Variants in PRKG1 observed in about 807,000 individuals in gnomAD.
PRKG1 encodes cGMP-dependent protein kinase 1.
PRKG1 carries 35 observed loss-of-function variants against 88.1 expected under a neutral mutation model. The ratio of observed to expected loss-of-function variants is 0.40; its 90% CI spans 0.30 to 0.53. The LOEUF (loss-of-function observed/expected upper bound fraction) is 0.53. Among genes scored for constraint, PRKG1 ranks in the 20% least tolerant of loss-of-function variants. The pLI is 0.59. For synonymous variants in PRKG1, 303 were observed against 292.5 expected (o/e 1.04, Z -0.37); for missense variants, 540 against 839.8 (o/e 0.64, Z 4.41).
intron 9 of PRKG1, among the ~76,000 whole-genome samples, chr10:52,225,079 G>A (rs970191908): frequency 1.8e-4 from 27 of 152,032 alleles, no homozygotes; most frequent in African/African-American, 5.5e-4. Context: ...CATAGTGGCC[G>A]TACTAGTCTA....
At chr10:51,206,333 T>C (rs1838059075) in intron 2 of PRKG1, among the ~76,000 whole-genome samples, 1 of 150,360 alleles carries the variant, frequency 6.7e-6, no homozygotes, top group Non-Finnish European at 1.5e-5. Flanking sequence ...CTACTAAAAA[T>C]ACAAAAAAAA....
chr10:52,102,370 A>G (rs1022801810), intron 7 of PRKG1, among the ~76,000 whole-genome samples: 2 of 152,132 alleles, frequency 1.3e-5, no homozygotes, highest in African/African-American at 4.8e-5. Context: ...GAAAGAATTG[A>G]CAATGCTCTG....
At chr10:51,794,693 A>T (rs1838965134) in intron 3 of PRKG1, among the ~76,000 whole-genome samples, 1 of 152,142 alleles carries the variant, frequency 6.6e-6, no homozygotes, top group Non-Finnish European at 1.5e-5. Context: ...AGATTTAGTC[A>T]TTCTACAATG....
intron 2 of PRKG1, among the ~76,000 whole-genome samples, chr10:51,362,084 G>A (rs1192271650): frequency 6.6e-6 from 1 of 151,760 alleles, no homozygotes; most frequent in African/African-American, 2.4e-5. Flanking sequence ...TTACATTTTG[G>A]ACATCTAGTC....
chr10:52,143,234 AC>A (rs968541191), intron 8 of PRKG1, among the ~76,000 whole-genome samples: 1 of 151,946 alleles, frequency 6.6e-6, no homozygotes, highest in Non-Finnish European at 1.5e-5. Context: ...TCCCCATTCC[AC>A]CCTGCTGAGG....
intron 3 of PRKG1, among the ~76,000 whole-genome samples, chr10:51,689,973 A>G (rs1293452178): frequency 6.6e-6 from 1 of 152,204 alleles, no homozygotes; most frequent in African/African-American, 2.4e-5. Context: ...GAGATGGGGT[A>G]ATTTATAAAG....
At chr10:52,191,960 T>A (rs117415077) in intron 9 of PRKG1, among the ~76,000 whole-genome samples, 2,813 of 152,322 alleles carry the variant, frequency 0.018, 33 homozygotes, top group Non-Finnish European at 0.03. Flanking sequence ...TTTATCCTCA[T>A]TCATTCAAGA....
intron 3 of PRKG1, among the ~76,000 whole-genome samples, chr10:51,509,231 T>A (rs767147405): frequency 6.6e-6 from 1 of 152,194 alleles, no homozygotes; most frequent in Admixed American, 6.5e-5. Flanking sequence ...AAAATTAATA[T>A]GTATGCCTGT....
chr10:51,823,064 C>G (rs1019279604), intron 4 of PRKG1, among the ~76,000 whole-genome samples: 1 of 152,046 alleles, frequency 6.6e-6, no homozygotes, highest in African/African-American at 2.4e-5. Context: ...GAGGCTAAGA[C>G]AGCTAATAAT....
rs560179571 is a variant in PRKG1 at position 51,319,081 on chromosome 10, T to C, written c.479-148642T>C. Among the ~76,000 whole-genome samples, 8 of 152,366 alleles carry C rather than the reference T, an allele frequency of 5.3e-5. No individual in the cohort carries two copies. The East Asian group carries it at 1.3e-3, about 26-fold the overall frequency. On this transcript the variant is annotated intron_variant, in intron 2 of 17. Transcript: ENST00000373980. ...AAATATACAGTCTCAAATTGGTTTC[T>C]TACACATTCCTGTGAATTCTGAATT...
At chr10:51,803,158 GAA>G (rs1173240674) in intron 3 of PRKG1, among the ~76,000 whole-genome samples, 6 of 152,144 alleles carry the variant, frequency 3.9e-5, no homozygotes, top group Admixed American at 2.6e-4. Flanking sequence ...GGGTATTGTA[GAA>G]AAGAGTCTGG....
intron 5 of PRKG1, among the ~76,000 whole-genome samples, chr10:52,010,742 A>C (rs1223948830): frequency 6.6e-6 from 1 of 152,174 alleles, no homozygotes; most frequent in African/African-American, 2.4e-5. Context: ...GCGAATTCCT[A>C]TTCTTTATGA....
At chr10:51,634,607 T>A (rs188653671) in intron 3 of PRKG1, among the ~76,000 whole-genome samples, 1 of 152,230 alleles carries the variant, frequency 6.6e-6, no homozygotes, top group Non-Finnish European at 1.5e-5. Context: ...AAAAGCTATA[T>A]GATATCTGGA....
chr10:51,539,251 A>G (rs1348968916), intron 3 of PRKG1, among the ~76,000 whole-genome samples: 1 of 152,152 alleles, frequency 6.6e-6, no homozygotes, highest in Non-Finnish European at 1.5e-5. Context: ...GTTTCATTGT[A>G]AAAAAGTGAT....
intron 3 of PRKG1, among the ~76,000 whole-genome samples, chr10:51,687,333 T>G (rs750591623): frequency 6.6e-6 from 1 of 152,236 alleles, no homozygotes; most frequent in Non-Finnish European, 1.5e-5. Flanking sequence ...TCCTTTGAAC[T>G]ATTCTTGTTA....
chr10:51,343,135 G>A (rs1293427741), intron 2 of PRKG1, among the ~76,000 whole-genome samples: 1 of 152,190 alleles, frequency 6.6e-6, no homozygotes, highest in Non-Finnish European at 1.5e-5. Context: ...TACTTTAGTT[G>A]TTGGACTTCA....
At chr10:51,079,207 A>C (rs1023516018) in intron 1 of PRKG1, among the ~76,000 whole-genome samples, 1 of 152,240 alleles carries the variant, frequency 6.6e-6, no homozygotes, top group African/African-American at 2.4e-5. Flanking sequence ...TAAGAGCTAC[A>C]TAGGTCCTAC....
At chr10:51,400,146 A>C (rs1285246915) in intron 2 of PRKG1, among the ~76,000 whole-genome samples, 1 of 152,166 alleles carries the variant, frequency 6.6e-6, no homozygotes, top group African/African-American at 2.4e-5. Context: ...TATACCAGAC[A>C]CTCTTTTGGA....
At chr10:52,189,349 G>C (rs1204972873) in intron 9 of PRKG1, among the ~76,000 whole-genome samples, 1 of 152,146 alleles carries the variant, frequency 6.6e-6, no homozygotes, top group Non-Finnish European at 1.5e-5. Flanking sequence ...ATAAGGTCAA[G>C]AGTTCCACTC....
Sources: gnomAD v4.1 joint callset for allele counts (sites outside exome capture counted in the v4.1 genomes callset) on GRCh38, gnomAD v4.1.1 for gene constraint, MANE v1.5 for transcripts, NCBI Gene and HGNC (gene_info 2026-07-23, HGNC 2026-07-21) for gene names.